MYO15A: variants seen among roughly 807,000 people sequenced by gnomAD.
MYO15A encodes myosin XVA.
A neutral mutation model predicts 394.6 loss-of-function variants in MYO15A; 308 were observed. The ratio of observed to expected loss-of-function variants is 0.78; its 90% CI spans 0.71 to 0.86. The LOEUF is 0.86. Ranked by LOEUF, MYO15A falls within the 40% of genes least tolerant of loss-of-function variation. The pLI, the probability that MYO15A is intolerant of heterozygous loss-of-function variation, is 0.00. For missense variants in MYO15A, 4,606 were observed against 4,799.1 expected (o/e 0.96, Z 1.19); for synonymous variants, 1,957 against 2,003.8 (o/e 0.98, Z 0.62).
At chr17:18,175,050 C>G (rs1373465936) in intron 65 of MYO15A, among the ~76,000 whole-genome samples, 3 of 151,746 alleles carry the variant, frequency 2.0e-5, no homozygotes, top group African/African-American at 7.3e-5. Context: ...CCCTGAGCCC[C>G]TGCAATGGCT....
At position 18,141,765 on chromosome 17, in the gene MYO15A, A is replaced by G. The variant is rs2046386794; in HGVS notation, c.5644A>G (p.Ser1882Gly). 1.2e-6 allele frequency: 2 copies of G among 1,614,070 alleles called. No individual in the cohort carries two copies. Among genetic ancestry groups the G allele is most frequent in the Non-Finnish European group, 8.5e-7 (1 of 1,180,012 alleles). ...VMPNMYRVGV[S>G]KLFLKEHLYQ... ...GCCAAACATGTACCGTGTTGGGGTCAGCAAGGTGAGTCCTGCCCGACAGTC... is the reference window on the plus strand; with the variant it reads ...GCCAAACATGTACCGTGTTGGGGTCGGCAAGGTGAGTCCTGCCCGACAGTC... Residue 1882 changes from serine to glycine, a missense_variant, in exon 23 of 66, where the codon AGC becomes GGC. This residue lies in a region of MYO15A where 2,776 missense variants were observed against 3,109.3 expected (regional missense o/e 0.89). Coordinates refer to ENST00000647165, the MANE Select transcript of MYO15A (RefSeq NM_016239.4).
intron 8 of MYO15A, 43 bp from the exon 9 acceptor site, chr17:18,131,196 A>T (rs1289465782): frequency 6.5e-7 from 1 of 1,548,136 alleles, no homozygotes; most frequent in South Asian, 1.1e-5. Context: ...CCCCCAGAAC[A>T]GTGCCTAGCC....
Position 18,147,765 on chromosome 17 carries a change from TCA to T in MYO15A, c.6510-263_6510-262del, listed in dbSNP as rs1478850671. On this transcript the variant is annotated intron_variant, in intron 30 of 65. Transcript: ENST00000647165. This position sits in a 1 kb window ranked among gnomAD's most constrained non-coding sequence, Gnocchi z 4.4. ...ACTTCTGGACTAGCCTGGGACCCTT[TCA>T]GTTTAGCCGTGGGACTCTAAACTAC... is the stretch of plus-strand genomic sequence containing the variant. Among the ~76,000 whole-genome samples the T allele has an allele frequency of 6.6e-6, 1 of 152,040 alleles. No individual in the cohort carries two copies. Among genetic ancestry groups the T allele is most frequent in the Non-Finnish European group, 1.5e-5 (1 of 67,998 alleles).
chr17:18,152,373 G>A (rs898989250), intron 42 of MYO15A, among the ~76,000 whole-genome samples, 189 bp downstream of exon 42: 3 of 152,094 alleles, frequency 2.0e-5, no homozygotes, highest in Non-Finnish European at 4.4e-5. Flanking sequence ...GCCCATCCTG[G>A]CCTCATGTAA....
At position 18,121,959 on chromosome 17, in the gene MYO15A, G is replaced by A; in HGVS notation, c.3159G>A (p.Glu1053=). The A allele has an allele frequency of 1.2e-6, 2 of 1,612,208 alleles. No homozygotes were observed. The highest frequency in any genetic ancestry group is 8.5e-7 in the Non-Finnish European group (1 of 1,179,984). Reference sequence around the variant, plus strand: ...CTCCCCCCAAGGATGTCCTCCCAGAGCAAAAGACATTAAGGCCCAGCCTCT... The same window carrying A: ...CTCCCCCCAAGGATGTCCTCCCAGAACAAAAGACATTAAGGCCCAGCCTCT... The part of the protein sequence containing the change: ...DITPPKDVLP[E]QKTLRPSLSY... The change falls in exon 2 of 66, where the codon GAG becomes GAA. Residue 1053 remains glutamate, a synonymous_variant. Coordinates refer to ENST00000647165, the MANE Select transcript of MYO15A (RefSeq NM_016239.4). This position sits in a 1 kb window ranked among gnomAD's most constrained non-coding sequence, Gnocchi z 5.3.
intron 7 of MYO15A, among the ~76,000 whole-genome samples, chr17:18,130,602 A>C (rs1183543391): frequency 6.6e-6 from 1 of 151,926 alleles, no homozygotes; most frequent in Non-Finnish European, 1.5e-5. Context: ...TTGGAAGGCA[A>C]ACTCAGCATA....
chr17:18,119,704 G>A lies in MYO15A; in HGVS notation c.904G>A (p.Gly302Arg). ...CTATTACGGTGGCCCCTTTGATCCG[G>A]GGTACACCTACGGCTACGGCTACGA... The part of the protein sequence containing the change: ...PDYYGGPFDP[G>R]YTYGYGYDDY... Residue 302 changes from glycine (G) to arginine (R), a missense_variant, in exon 2 of 66, where the codon GGG (glycine) becomes AGG (arginine). Gly to Arg is a moderately radical substitution (Grantham distance 125). Around this residue, in one of 2 missense-constraint regions of MYO15A, gnomAD observed 1,830 missense variants for 1,689.7 expected, o/e 1.08. Coordinates refer to ENST00000647165, the MANE Select transcript of MYO15A (RefSeq NM_016239.4). The A allele has an allele frequency of 6.2e-7, 1 of 1,610,868 alleles. No homozygotes were observed.
Position 18,163,383 on chromosome 17 carries a change from G to A in MYO15A, c.9690+62G>A, listed in dbSNP as rs1216794351. On this transcript the variant is annotated intron_variant, in intron 59 of 65. Coordinates refer to ENST00000647165, the MANE Select transcript of MYO15A (RefSeq NM_016239.4). Reference sequence around the variant, plus strand: ...AGGGGCAGGGACAAGGACAGCCCAGGCTCCAGGATGGGGGTGGAGTAAGCC... The same window carrying A: ...AGGGGCAGGGACAAGGACAGCCCAGACTCCAGGATGGGGGTGGAGTAAGCC... The A allele has an allele frequency of 2.0e-6, 3 of 1,536,490 alleles. No homozygotes were observed. In the East Asian group the frequency reaches 6.7e-5, roughly 35 times the overall value.
chr17:18,127,071 T>G lies in MYO15A; in HGVS notation c.3942-4T>G. On this transcript the variant is annotated splice_polypyrimidine_tract_variant and splice_region_variant and intron_variant, in intron 6 of 65. Coordinates refer to ENST00000647165, the MANE Select transcript of MYO15A (RefSeq NM_016239.4). ...GAGCTCACTCTGCCCCTTTGCTCGG[T>G]CAGTGGAGAGAGCGGCTCTGGCAAA... 1 of 1,613,948 alleles carries G rather than the reference T, an allele frequency of 6.2e-7. No homozygotes were observed. The highest frequency in any genetic ancestry group is 8.5e-7 in the Non-Finnish European group (1 of 1,179,992).
rs1038919525 is a variant in MYO15A, at chr17:18,135,918, C to G, written c.4596+94C>G. 4 of 1,097,084 alleles carry G rather than the reference C, an allele frequency of 3.6e-6. No individual in the cohort carries two copies. The Admixed American group carries it at 8.0e-5, about 22-fold the overall frequency. 68.0% of individuals were successfully genotyped at this position (1,097,084 alleles called of 1,614,324 possible). A position where few individuals can be genotyped will look rare whatever the true frequency, so the allele number is the denominator to read the frequency against. On this transcript the variant is annotated intron_variant, in intron 13 of 65. Transcript: ENST00000647165. Reference sequence around the variant, plus strand: ...GATCCTTTGTGGGCAGCCTCTCCCTCTCTCCTGCTCTCTCTGTCCCTGGGT... The same window carrying G: ...GATCCTTTGTGGGCAGCCTCTCCCTGTCTCCTGCTCTCTCTGTCCCTGGGT...
At position 18,171,644 on chromosome 17, in the gene MYO15A, A is replaced by C; in HGVS notation, c.10089A>C (p.Glu3363Asp). Residue 3363 changes from glutamate (E) to aspartate (D), a missense_variant, in exon 63 of 66, where the codon GAA becomes GAC. Around this residue, in one of 2 missense-constraint regions of MYO15A, gnomAD observed 2,776 missense variants for 3,109.3 expected, o/e 0.89. Transcript: ENST00000647165. ...KDHFYLPSVREVQEYIPAQLY... is the reference protein window; with the variant it reads ...KDHFYLPSVRDVQEYIPAQLY... ...CCCCTTCCTCCGTACACAGGCGGGA[A>C]GTCCAGGAGTACATCCCAGCCCAGC... 1 of 1,613,956 alleles carries C rather than the reference A, an allele frequency of 6.2e-7. No homozygotes were observed.
rs2046727983 is a variant in MYO15A, at chr17:18,158,762, G to C, written c.9083+124G>C. The C allele has an allele frequency of 2.2e-6, 3 of 1,393,890 alleles. No homozygotes were observed. In the African/African-American group the frequency reaches 4.3e-5, roughly 20 times the overall value. 86.3% of individuals were successfully genotyped at this position (1,393,890 alleles called of 1,614,324 possible). On this transcript the variant is annotated intron_variant, in intron 52 of 65. Coordinates refer to ENST00000647165, the MANE Select transcript of MYO15A (RefSeq NM_016239.4). ...GGTGGGAGAGATGAGAGACCACCCA[G>C]GTGTGAGGCTCATTTCAGTGCCTGC...
In MYO15A at chr17:18,117,428, T is replaced by A. The variant is rs532247190; in HGVS notation, c.-219-1154T>A. On this transcript the variant is annotated intron_variant, in intron 1 of 65. Coordinates refer to ENST00000647165, the MANE Select transcript of MYO15A (RefSeq NM_016239.4). The surrounding 1 kb of genome is among the most constrained non-coding windows in gnomAD (Gnocchi z 4.1). ...GATCTGAGGGCGTGGAGCTGGCAAG[T>A]GGCAGAACCAGGGCCAGAACCTTGC... 1.3e-4 allele frequency among the ~76,000 whole-genome samples: 20 copies of A among 152,382 alleles called. No individual in the cohort carries two copies. The South Asian group carries it at 4.1e-3, about 32-fold the overall frequency.
intron 10 of MYO15A, 111 bp downstream of exon 10, chr17:18,131,642 A>ATACATGCG: frequency 7.8e-7 from 1 of 1,277,608 alleles, no homozygotes; most frequent in Non-Finnish European, 1.1e-6. Flanking sequence ...TAATGAACGA[A>ATACATGCG]TACATGCGTA....
chr17:18,127,656 A>G (rs547459837), intron 7 of MYO15A, among the ~76,000 whole-genome samples: 336 of 152,054 alleles, frequency 2.2e-3, no homozygotes, highest in Non-Finnish European at 2.6e-3. Context: ...AGACAGTGCT[A>G]AGCCCTCTGA....
At chr17:18,171,808 G>T (rs1027303766) in intron 63 of MYO15A, 37 bp downstream of exon 63, 3 of 1,594,544 alleles carry the variant, frequency 1.9e-6, no homozygotes, top group South Asian at 2.2e-5. Context: ...ATCATAGGGG[G>T]CTTTGCTGAG....
At position 18,163,793 on chromosome 17, in the gene MYO15A, C is replaced by T. The variant is rs1314340358; in HGVS notation, c.9742C>T (p.Pro3248Ser). The change falls in exon 60 of 66, where the codon CCT (proline) becomes TCT (serine). Residue 3248 changes from proline (P) to serine (S), a missense_variant. Around this residue, in one of 2 missense-constraint regions of MYO15A, gnomAD observed 2,776 missense variants for 3,109.3 expected, o/e 0.89. Coordinates refer to ENST00000647165, the MANE Select transcript of MYO15A (RefSeq NM_016239.4). Reference sequence around the variant, plus strand: ...ATGTGCTGAGATGGCTCTGACACGCCCTGAGGCCTTCAATGAATATGTTAT... The same window carrying T: ...ATGTGCTGAGATGGCTCTGACACGCTCTGAGGCCTTCAATGAATATGTTAT... ...EICAEMALTR[P>S]EAFNEYVIFV... 6 of 1,614,102 alleles carry T rather than the reference C, an allele frequency of 3.7e-6. No individual in the cohort carries two copies. Among genetic ancestry groups the T allele is most frequent in the Non-Finnish European group, 5.1e-6 (6 of 1,179,984 alleles).
Position 18,167,625 on chromosome 17 carries a change from T to C in MYO15A, c.9984T>C (p.Ser3328=), listed in dbSNP as rs748890115. The change falls in exon 62 of 66, where the codon AGT becomes AGC. Residue 3328 remains serine (S), a synonymous_variant. Coordinates refer to ENST00000647165, the MANE Select transcript of MYO15A (RefSeq NM_016239.4). ...LPDYLKGLFS[S]VPASRPSEQL... ...ACTACCTGAAGGGACTCTTCAGCAG[T>C]GTGCCGGCCAGCCGGCCCAGCGAGC... 1.9e-6 allele frequency: 3 copies of C among 1,603,790 alleles called. No individual in the cohort carries two copies. Among genetic ancestry groups the C allele is most frequent in the East Asian group, 2.2e-5 (1 of 44,878 alleles).
At position 18,132,161 on chromosome 17, in the gene MYO15A, T is replaced by C. The variant is rs1183224789; in HGVS notation, c.4207-292T>C. 6.6e-6 allele frequency among the ~76,000 whole-genome samples: 1 copy of C among 152,142 alleles called. No homozygotes were observed. ...CTATGGACACACATGTATGCAGGTGTGTGTGGCCGGTACACATAAGAGAAG... is the reference window on the plus strand; with the variant it reads ...CTATGGACACACATGTATGCAGGTGCGTGTGGCCGGTACACATAAGAGAAG... On this transcript the variant is annotated intron_variant, in intron 10 of 65. Transcript: ENST00000647165. This position sits in a 1 kb window ranked among gnomAD's most constrained non-coding sequence, Gnocchi z 4.6.
Sources: allele counts gnomAD v4.1 joint callset (sites outside exome capture counted in the v4.1 genomes callset), GRCh38; gene constraint gnomAD v4.1.1; regional missense constraint gnomAD v4.1.1; non-coding constraint Gnocchi (gnomAD v3.1); transcripts MANE v1.5; gene names NCBI Gene and HGNC (gene_info 2026-07-23, HGNC 2026-07-21).